The following NFAM1 variants were observed in gnomAD, a reference collection of about 807,000 sequenced individuals.
The protein encoded by NFAM1 is NFAT activating protein with ITAM motif 1.
A neutral mutation model predicts 29.0 loss-of-function variants in NFAM1; 17 were observed. The observed-to-expected ratio is 0.59, with a 90% CI of 0.40 to 0.88. The LOEUF (loss-of-function observed/expected upper bound fraction) is 0.88, where lower values mean the gene tolerates loss of function less well. Ranked by LOEUF, NFAM1 falls within the 40% of genes least tolerant of loss-of-function variation. The pLI is 0.00. For missense variants in NFAM1, 324 were observed against 344.6 expected, an observed-to-expected ratio of 0.94 and a Z score of 0.47; for synonymous variants, 175 against 147.2, an observed-to-expected ratio of 1.19 and a Z score of -1.36.
At chr22:42,402,159 G>A (rs1475551458) in intron 3 of NFAM1, among the ~76,000 whole-genome samples, 4 of 152,252 alleles carry the variant, frequency 2.6e-5, no homozygotes, top group South Asian at 4.1e-4. Context: ...AGGAAGCCCC[G>A]GGGAAGGGGC....
At chr22:42,435,821 T>C (rs1444152583), upstream of NFAM1, among the ~76,000 whole-genome samples, 1 of 149,164 alleles carries the variant, frequency 6.7e-6, no homozygotes, top group East Asian at 1.9e-4. Context: ...TCTTCTTTTT[T>C]TTTTTTTTTT....
At chr22:42,422,464 G>A (rs1930477586) in intron 1 of NFAM1, among the ~76,000 whole-genome samples, 2 of 152,004 alleles carry the variant, frequency 1.3e-5, no homozygotes, top group African/African-American at 2.4e-5. Flanking sequence ...AATTTAGCTG[G>A]GCATGGTGGC....
chr22:42,389,225 T>C, intron 4 of NFAM1, among the ~76,000 whole-genome samples: 1 of 152,130 alleles, frequency 6.6e-6, no homozygotes, highest in South Asian at 2.1e-4. Context: ...GGGCAGGTGA[T>C]GCAGGGCCAG....
intron 4 of NFAM1, among the ~76,000 whole-genome samples, chr22:42,397,532 G>C (rs1019229648): frequency 5.3e-5 from 8 of 152,194 alleles, no homozygotes; most frequent in Non-Finnish European, 8.8e-5. Flanking sequence ...TGTTTGGTCA[G>C]ATGAAGGAGC....
intron 3 of NFAM1, among the ~76,000 whole-genome samples, chr22:42,404,731 T>C (rs1049396992): frequency 1.3e-5 from 2 of 151,998 alleles, no homozygotes; most frequent in African/African-American, 4.8e-5. Flanking sequence ...ATCGCACGTC[T>C]GTAATCCCAG....
chr22:42,387,592 A>G lies in NFAM1; in HGVS notation c.664-514T>C, dbSNP rs148007832. The stretch of plus-strand genomic sequence containing the variant: ...CTCCCCAACCCCCACCCCAGCCTGT[A>G]TTCAAGGATAACCCAGGCACCCACT... On this transcript the variant is annotated intron_variant, in intron 4 of 5. Transcript: ENST00000329021. 9.8e-3 allele frequency among the ~76,000 whole-genome samples: 1,234 copies of G among 125,938 alleles called. 3 individuals carry two copies. The highest frequency in any genetic ancestry group is 0.014 in the Non-Finnish European group (869 of 63,298). 82.6% of individuals were successfully genotyped at this position (125,938 alleles called of 152,430 possible). A position where few individuals can be genotyped will look rare whatever the true frequency, so the allele number is the denominator to read the frequency against.
At chr22:42,432,441 C>T (rs1178890541), upstream of NFAM1, 10 of 1,451,478 alleles carry the variant, frequency 6.9e-6, no homozygotes, top group South Asian at 1.2e-4. Flanking sequence ...GCTTTCCCCA[C>T]GAAGCTCCTC....
chr22:42,436,548 A>T (rs547416469), upstream of NFAM1, among the ~76,000 whole-genome samples: 15 of 152,334 alleles, frequency 9.8e-5, no homozygotes, highest in South Asian at 2.9e-3. Flanking sequence ...AGAGGCAGGC[A>T]GACCCACCTG....
At chr22:42,424,137 T>TG (rs1260014234) in intron 1 of NFAM1, among the ~76,000 whole-genome samples, 38 of 148,024 alleles carry the variant, frequency 2.6e-4, no homozygotes, top group African/African-American at 9.1e-4. Flanking sequence ...AACACATGGC[T>TG]GGGCGCGGTG....
rs1929236875 is a variant in NFAM1, at chr22:42,388,820, T to A, written c.664-1742A>T. Among the ~76,000 whole-genome samples, 1 of 152,106 alleles carries A rather than the reference T, an allele frequency of 6.6e-6. No individual in the cohort carries two copies. The highest frequency in any genetic ancestry group is 2.4e-5 in the African/African-American group (1 of 41,416). ...CTCTGAGCCAGAAACAGGCTGGGTC[T>A]GGGGAGAGGGGCTTCCAACCTGCTT... On this transcript the variant is annotated intron_variant, in intron 4 of 5. Transcript: ENST00000329021. The surrounding 1 kb of genome is among the most constrained non-coding windows in gnomAD (Gnocchi z 4.1).
At chr22:42,428,389 G>C (rs1331865108) in intron 1 of NFAM1, among the ~76,000 whole-genome samples, 2 of 152,204 alleles carry the variant, frequency 1.3e-5, no homozygotes, top group Non-Finnish European at 2.9e-5. Context: ...CGGCGGGAAG[G>C]GAGGCAGGAG....
intron 1 of NFAM1, among the ~76,000 whole-genome samples, chr22:42,421,103 C>T (rs1045420439): frequency 5.3e-5 from 8 of 152,208 alleles, no homozygotes; most frequent in Non-Finnish European, 7.4e-5. Context: ...GCAGCAGGGG[C>T]GGACATTTTG....
chr22:42,394,821 A>T (rs1929462944), intron 4 of NFAM1, among the ~76,000 whole-genome samples: 2 of 152,222 alleles, frequency 1.3e-5, no homozygotes, highest in Admixed American at 6.5e-5. Flanking sequence ...GAAAAAAAAT[A>T]AGGTATAAGG....
intron 4 of NFAM1, among the ~76,000 whole-genome samples, chr22:42,387,505 AC>A (rs1929191124): frequency 1.4e-5 from 2 of 143,906 alleles, no homozygotes; most frequent in African/African-American, 5.2e-5. Flanking sequence ...CTCTGCCTTC[AC>A]CCCCCTGTTC....
chr22:42,389,012 C>T, intron 4 of NFAM1, among the ~76,000 whole-genome samples: 1 of 152,180 alleles, frequency 6.6e-6, no homozygotes, highest in East Asian at 1.9e-4. Context: ...TGGTCCTGTG[C>T]CCCCAACCCT....
intron 4 of NFAM1, among the ~76,000 whole-genome samples, chr22:42,393,206 T>C (rs914553461): frequency 3.9e-5 from 6 of 151,952 alleles, no homozygotes; most frequent in Admixed American, 3.9e-4. Flanking sequence ...TCCACAATCA[T>C]ACTGGCAGAT....
intron 1 of NFAM1, among the ~76,000 whole-genome samples, chr22:42,415,294 C>CTTTTT (rs398037250): frequency 1.6e-3 from 152 of 94,782 alleles, no homozygotes; most frequent in Non-Finnish European, 2.0e-3. Context: ...TTCTTTCTTT[C>CTTTTT]TTTTTTTTTT....
chr22:42,427,935 T>C (rs1930675233), intron 1 of NFAM1, among the ~76,000 whole-genome samples: 1 of 152,206 alleles, frequency 6.6e-6, no homozygotes, highest in Non-Finnish European at 1.5e-5. Context: ...TAGAAGGGGC[T>C]CTGAGGCACT....
chr22:42,430,556 CAA>C lies in NFAM1; in HGVS notation c.121+1679_121+1680del, dbSNP rs10684230. On this transcript the variant is annotated intron_variant, in intron 1 of 5. Transcript: ENST00000329021. ...GCCTGAGTGACAAGAGTGAAACTCT[CAA>C]AAAAAAAAAAAAAAAAAAAAATCAT... Among the ~76,000 whole-genome samples the C allele has an allele frequency of 9.7e-3, 709 of 72,912 alleles. 6 individuals carry two copies. Among genetic ancestry groups the C allele is most frequent in the African/African-American group, 0.038 (682 of 18,178 alleles). The allele number at this position is 72,912 out of a possible 152,430, so 47.8% of individuals were successfully genotyped here.
Sources: allele counts gnomAD v4.1 joint callset (sites outside exome capture counted in the v4.1 genomes callset), GRCh38; gene constraint gnomAD v4.1.1; non-coding constraint Gnocchi (gnomAD v3.1); transcripts MANE v1.5; gene names NCBI Gene and HGNC (gene_info 2026-07-23, HGNC 2026-07-21).